The following CNNM1 variants were observed in gnomAD, a reference collection of about 807,000 sequenced individuals.
CNNM1 encodes the protein cyclin and CBS domain divalent metal cation transport mediator 1.
CNNM1 carries 44 observed loss-of-function variants against 78.8 expected under a neutral mutation model. The ratio of observed to expected loss-of-function variants is 0.56; its 90% CI spans 0.44 to 0.72. The LOEUF (loss-of-function observed/expected upper bound fraction) is 0.72, where lower values mean the gene tolerates loss of function less well. Ranked by LOEUF, CNNM1 falls within the 30% of genes least tolerant of loss-of-function variation. CNNM1 has a pLI of 0.00. For synonymous variants in CNNM1, 584 were observed against 581.5 expected (o/e 1.00, Z -0.06); for missense variants, 1,101 against 1,292.2 (o/e 0.85, Z 2.27).
chr10:99,367,621 A>G (rs1278661259), intron 6 of CNNM1, among the ~76,000 whole-genome samples: 1 of 152,184 alleles, frequency 6.6e-6, no homozygotes, highest in Non-Finnish European at 1.5e-5. Context: ...TGTGTCTCAT[A>G]ATATTAGAGG....
At chr10:99,385,269 C>G (rs1205099363) in intron 7 of CNNM1, among the ~76,000 whole-genome samples, 1 of 152,204 alleles carries the variant, frequency 6.6e-6, no homozygotes, top group Non-Finnish European at 1.5e-5. Flanking sequence ...ACAGCCCCTT[C>G]CTTCTCTCTT....
intron 1 of CNNM1, among the ~76,000 whole-genome samples, chr10:99,348,913 A>G (rs1451445457): frequency 1.3e-5 from 2 of 152,028 alleles, no homozygotes; most frequent in African/African-American, 2.4e-5. Context: ...AAACAAATAA[A>G]CAAACAAATA....
At position 99,329,504 on chromosome 10, in the gene CNNM1, C is replaced by T; in HGVS notation, c.117C>T (p.Ala39=). Residue 39 remains alanine (A), a synonymous_variant, in exon 1 of 11, where the codon GCC becomes GCT. Transcript: ENST00000356713. ...FSLSPRPPAA[A]AWLLGLRPED... ...TGTCTCCTCGGCCCCCGGCCGCCGC[C>T]GCCTGGCTGCTGGGCCTGCGGCCCG... 2.0e-6 allele frequency: 3 copies of T among 1,509,422 alleles called. No homozygotes were observed. Among genetic ancestry groups the T allele is most frequent in the Non-Finnish European group, 2.6e-6 (3 of 1,135,242 alleles). The allele number at this position is 1,509,422 out of a possible 1,614,324, so 93.5% of individuals were successfully genotyped here. A position where few individuals can be genotyped will look rare whatever the true frequency, so the allele number is the denominator to read the frequency against.
At chr10:99,386,930 G>T (rs1484339558) in intron 7 of CNNM1, among the ~76,000 whole-genome samples, 4 of 152,272 alleles carry the variant, frequency 2.6e-5, no homozygotes, top group East Asian at 3.9e-4. Context: ...TTTAGGAGAT[G>T]GTATGATTGG....
intron 7 of CNNM1, among the ~76,000 whole-genome samples, chr10:99,385,713 C>T (rs540146519): frequency 6.6e-6 from 1 of 152,336 alleles, no homozygotes; most frequent in Admixed American, 6.5e-5. Context: ...CCAGTGTATT[C>T]ATTTGCCCAT....
chr10:99,348,497 A>G (rs2030803959), intron 1 of CNNM1, among the ~76,000 whole-genome samples: 1 of 152,260 alleles, frequency 6.6e-6, no homozygotes, highest in Admixed American at 6.5e-5. Context: ...GCAGTCATTC[A>G]GTAAGTACTT....
At chr10:99,379,627 T>A (rs570141502) in intron 7 of CNNM1, among the ~76,000 whole-genome samples, 1 of 145,148 alleles carries the variant, frequency 6.9e-6, no homozygotes, top group African/African-American at 2.5e-5. Context: ...GATTCTACTT[T>A]AAGTGTGGCG....
chr10:99,381,841 G>A (rs1168583102), intron 7 of CNNM1, among the ~76,000 whole-genome samples: 1 of 150,426 alleles, frequency 6.6e-6, no homozygotes, highest in African/African-American at 2.4e-5. Flanking sequence ...TTTAACACAA[G>A]TGTCTTTTTT....
intron 1 of CNNM1, 36 bp from the exon 2 acceptor site, chr10:99,357,476 C>T: frequency 1.3e-6 from 2 of 1,593,298 alleles, no homozygotes; most frequent in South Asian, 2.3e-5. Flanking sequence ...CTGAAAATGT[C>T]CCCGATACTT....
Position 99,362,210 on chromosome 10 carries a change from C to T in CNNM1, c.1859-17C>T. The T allele has an allele frequency of 2.5e-6, 4 of 1,592,670 alleles. No homozygotes were observed. Among genetic ancestry groups the T allele is most frequent in the East Asian group, 2.3e-5 (1 of 44,276 alleles). On this transcript the variant is annotated splice_polypyrimidine_tract_variant and intron_variant, in intron 3 of 10. Transcript: ENST00000356713. ...CAGCTGATGCTGATTCCTCCCTTCCCACTCACTCTCCTCTAGAAGTGGAGC... is the reference window on the plus strand; with the variant it reads ...CAGCTGATGCTGATTCCTCCCTTCCTACTCACTCTCCTCTAGAAGTGGAGC...
intron 1 of CNNM1, among the ~76,000 whole-genome samples, chr10:99,335,534 A>G (rs2134013784): frequency 6.6e-6 from 1 of 152,278 alleles, no homozygotes; most frequent in East Asian, 1.9e-4. Context: ...AGTGAGGTGA[A>G]CCCTAAGTAC....
intron 6 of CNNM1, among the ~76,000 whole-genome samples, chr10:99,375,740 C>A (rs983367294): frequency 6.6e-6 from 1 of 152,208 alleles, no homozygotes; most frequent in Admixed American, 6.5e-5. Context: ...CCTGAAAGAG[C>A]AGAATCTATA....
intron 1 of CNNM1, among the ~76,000 whole-genome samples, chr10:99,333,565 G>T (rs768266903): frequency 1.3e-5 from 2 of 152,044 alleles, no homozygotes; most frequent in Non-Finnish European, 2.9e-5. Flanking sequence ...AGCTGGTCTC[G>T]AACTCCCGAC....
chr10:99,337,382 A>C (rs1383934499), intron 1 of CNNM1, among the ~76,000 whole-genome samples: 1 of 152,134 alleles, frequency 6.6e-6, no homozygotes, highest in Non-Finnish European at 1.5e-5. Context: ...CTCCAGCCTC[A>C]TCGCTCACCA....
chr10:99,375,985 T>G (rs2031948661), intron 6 of CNNM1, among the ~76,000 whole-genome samples: 1 of 152,198 alleles, frequency 6.6e-6, no homozygotes, highest in Admixed American at 6.5e-5. Context: ...TTAATTGAAC[T>G]TTTCCAAGAA....
At chr10:99,352,858 G>C (rs2030996612) in intron 1 of CNNM1, among the ~76,000 whole-genome samples, 1 of 151,776 alleles carries the variant, frequency 6.6e-6, no homozygotes, top group Non-Finnish European at 1.5e-5. Context: ...TTTTGGTGAA[G>C]TCCATTTGAT....
At position 99,330,061 on chromosome 10, in the gene CNNM1, G is replaced by A. The variant is rs1850569174; in HGVS notation, c.674G>A (p.Arg225Gln). ...GACCTGCTGCCCCCTGCGTGGCTGC[G>A]GGCGCTCGGGGCGCTCCTGCTGCTA... Reference protein sequence around the residue: ...GGDLLPPAWLRALGALLLLAL... With the variant: ...GGDLLPPAWLQALGALLLLAL... Residue 225 changes from arginine (R) to glutamine (Q), a missense_variant, in exon 1 of 11, where the codon CGG (arginine) becomes CAG (glutamine). Around this residue, in one of 3 missense-constraint regions of CNNM1, gnomAD observed 476 missense variants for 484.5 expected, o/e 0.98. Coordinates refer to ENST00000356713, the MANE Select transcript of CNNM1 (RefSeq NM_020348.3). 6.6e-7 allele frequency: 1 copy of A among 1,512,800 alleles called. No individual in the cohort carries two copies. Among genetic ancestry groups the A allele is most frequent in the South Asian group, 1.2e-5 (1 of 81,592 alleles). 93.7% of individuals were successfully genotyped at this position (1,512,800 alleles called of 1,614,324 possible). A position where few individuals can be genotyped will look rare whatever the true frequency, so the allele number is the denominator to read the frequency against.
Position 99,329,671 on chromosome 10 carries a change from G to A in CNNM1, c.284G>A (p.Gly95Glu), listed in dbSNP as rs757253823. ...APVPSPTLNS[G>E]ENGTGDWAPR... ...GTGCCCTCACCGACCCTCAACTCGG[G>A]GGAGAATGGCACCGGCGACTGGGCT... is the stretch of plus-strand genomic sequence containing the variant. The change falls in exon 1 of 11, where the codon GGG (glycine) becomes GAG (glutamate). Residue 95 changes from glycine to glutamate, a missense_variant. Transcript: ENST00000356713. The A allele has an allele frequency of 1.9e-5, 30 of 1,558,670 alleles. No individual in the cohort carries two copies. Among genetic ancestry groups the A allele is most frequent in the Non-Finnish European group, 2.4e-5 (28 of 1,162,706 alleles).
intron 7 of CNNM1, among the ~76,000 whole-genome samples, chr10:99,377,960 CTTTT>C (rs66722952): frequency 3.3e-5 from 3 of 89,630 alleles, no homozygotes; most frequent in African/African-American, 4.3e-5. Flanking sequence ...TCCATAGGTT[CTTTT>C]TTTTTTTTTT....
Sources: allele counts gnomAD v4.1 joint callset (sites outside exome capture counted in the v4.1 genomes callset), GRCh38; gene constraint gnomAD v4.1.1; regional missense constraint gnomAD v4.1.1; transcripts MANE v1.5; gene names NCBI Gene and HGNC (gene_info 2026-07-23, HGNC 2026-07-21).